SDK1: variants seen among roughly 807,000 people sequenced by gnomAD.
The protein encoded by SDK1 is sidekick cell adhesion molecule 1.
Under a neutral mutation model 245.5 loss-of-function variants are expected in SDK1, and 157 were observed. The observed-to-expected ratio is 0.64, with a 90% CI of 0.56 to 0.73. The LOEUF (loss-of-function observed/expected upper bound fraction) is 0.73, where lower values mean the gene tolerates loss of function less well. Ranked by LOEUF, SDK1 falls within the 30% of genes least tolerant of loss-of-function variation. The pLI, the probability that SDK1 is intolerant of heterozygous loss-of-function variation, is 0.00. For synonymous variants in SDK1, 1,647 were observed against 1,278.5 expected (o/e 1.29, Z -6.15); for missense variants, 3,583 against 3,002.3 (o/e 1.19, Z -4.52).
intron 1 of SDK1, among the ~76,000 whole-genome samples, chr7:3,308,908 C>T (rs139917994): frequency 0.014 from 2,147 of 152,158 alleles, 17 homozygotes; most frequent in Non-Finnish European, 0.021. Context: ...GAGATAACCA[C>T]GTAATGACTA....
At chr7:3,731,538 C>A (rs965044911) in intron 4 of SDK1, among the ~76,000 whole-genome samples, 2 of 152,148 alleles carry the variant, frequency 1.3e-5, no homozygotes, top group African/African-American at 4.8e-5. Flanking sequence ...TGTAGCAACA[C>A]GTTATGTCTT....
At chr7:4,227,500 T>C in intron 40 of SDK1, 3 of 464,276 alleles carry the variant, frequency 6.5e-6, no homozygotes, top group Non-Finnish European at 4.5e-6. Flanking sequence ...ATTTCTAACC[T>C]GGATTGGCCA....
chr7:3,417,335 G>A (rs893002822), intron 1 of SDK1, among the ~76,000 whole-genome samples: 3 of 152,262 alleles, frequency 2.0e-5, no homozygotes, highest in South Asian at 2.1e-4. Flanking sequence ...CCAGTTCCCC[G>A]ACTCTTCGTC....
At chr7:3,651,141 T>TG (rs1345693113) in intron 4 of SDK1, among the ~76,000 whole-genome samples, 1 of 151,776 alleles carries the variant, frequency 6.6e-6, no homozygotes, top group African/African-American at 2.4e-5. Context: ...TTTTTTTTTT[T>TG]TTTTTAAATG....
At chr7:4,264,685 A>ATCTC (rs1157431000) in intron 44 of SDK1, among the ~76,000 whole-genome samples, 386 of 144,850 alleles carry the variant, frequency 2.7e-3, no homozygotes, top group African/African-American at 9.7e-3. Flanking sequence ...GGCTGCGTAG[A>ATCTC]TCTCTCCTGA....
intron 1 of SDK1, among the ~76,000 whole-genome samples, chr7:3,476,993 A>C (rs1308573915): frequency 6.6e-6 from 1 of 152,210 alleles, no homozygotes; most frequent in Non-Finnish European, 1.5e-5. Flanking sequence ...AGAAGCTAGC[A>C]TGTGCAAGAA....
chr7:3,620,210 C>G (rs62437887), intron 2 of SDK1, among the ~76,000 whole-genome samples: 1,691 of 152,188 alleles, frequency 0.011, 11 homozygotes, highest in Middle Eastern at 0.031. Context: ...TGGAACCACA[C>G]TCAGCCTGCC....
intron 4 of SDK1, among the ~76,000 whole-genome samples, chr7:3,751,152 G>T (rs941961223): frequency 6.6e-6 from 1 of 152,198 alleles, no homozygotes; most frequent in African/African-American, 2.4e-5. Context: ...CAGCCTGAGG[G>T]CTCTTGCTCC....
chr7:3,868,187 G>A (rs904863194), intron 5 of SDK1, among the ~76,000 whole-genome samples: 3 of 152,176 alleles, frequency 2.0e-5, no homozygotes, highest in Non-Finnish European at 2.9e-5. Context: ...CAGGTAACCT[G>A]TCATCACCCA....
intron 5 of SDK1, among the ~76,000 whole-genome samples, chr7:3,852,074 T>G (rs545377879): frequency 2.4e-4 from 36 of 152,198 alleles, no homozygotes; most frequent in Non-Finnish European, 4.3e-4. Context: ...AGGTCTGCTT[T>G]GTGCAGAGCA....
At chr7:3,920,259 G>T (rs1013757819) in intron 5 of SDK1, among the ~76,000 whole-genome samples, 4 of 152,184 alleles carry the variant, frequency 2.6e-5, no homozygotes, top group African/African-American at 9.7e-5. Context: ...TAGCCTAGGG[G>T]TGTTTTAGGA....
intron 1 of SDK1, among the ~76,000 whole-genome samples, chr7:3,340,782 A>AT (rs1554259412): frequency 9.6e-4 from 143 of 149,292 alleles, no homozygotes; most frequent in African/African-American, 3.4e-3. Context: ...AAAAAAAAAA[A>AT]TCATCTATGA....
At chr7:3,622,877 C>T (rs1781986882) in intron 2 of SDK1, among the ~76,000 whole-genome samples, 2 of 151,978 alleles carry the variant, frequency 1.3e-5, no homozygotes, top group South Asian at 4.1e-4. Flanking sequence ...GATGGGTTAT[C>T]AGGAATCTAT....
Position 4,128,680 on chromosome 7 carries a change from G to A in SDK1, c.3939+1184G>A, listed in dbSNP as rs543908794. ...TTGGGGTGGGGTGCCCTGGAATAGA[G>A]CAGCTTGGGGTGGGGTGCCCTGGAA... is the stretch of plus-strand genomic sequence containing the variant. On this transcript the variant is annotated intron_variant, in intron 26 of 44. Transcript: ENST00000404826. Among the ~76,000 whole-genome samples, 20 of 142,718 alleles carry A rather than the reference G, an allele frequency of 1.4e-4. No homozygotes were observed. The South Asian group carries it at 4.7e-3, about 34-fold the overall frequency. 93.6% of individuals were successfully genotyped at this position (142,718 alleles called of 152,430 possible).
intron 4 of SDK1, among the ~76,000 whole-genome samples, chr7:3,743,403 C>T (rs1425172329): frequency 6.6e-6 from 1 of 152,112 alleles, no homozygotes; most frequent in African/African-American, 2.4e-5. Flanking sequence ...AACTCTCTTA[C>T]CTCTTTTCTC....
intron 4 of SDK1, among the ~76,000 whole-genome samples, chr7:3,690,901 T>G (rs1276344965): frequency 6.6e-6 from 1 of 152,190 alleles, no homozygotes; most frequent in African/African-American, 2.4e-5. Context: ...TAAAATACAC[T>G]CATATTATAG....
intron 28 of SDK1, among the ~76,000 whole-genome samples, chr7:4,144,823 T>G (rs1779843997): frequency 6.6e-6 from 1 of 152,164 alleles, no homozygotes; most frequent in Non-Finnish European, 1.5e-5. Context: ...GTTCCCCCCG[T>G]GCGTCCTCCC....
chr7:3,372,784 A>G (rs1160849152), intron 1 of SDK1, among the ~76,000 whole-genome samples: 2 of 152,204 alleles, frequency 1.3e-5, no homozygotes, highest in Non-Finnish European at 2.9e-5. Context: ...GAGAGCGTGC[A>G]TTGCAGGCTT....
At chr7:3,598,645 C>A (rs941941154) in intron 1 of SDK1, among the ~76,000 whole-genome samples, 2 of 152,190 alleles carry the variant, frequency 1.3e-5, no homozygotes, top group African/African-American at 4.8e-5. Context: ...CCCTGGCAAA[C>A]CCTAATCCCT....
Sources: gnomAD v4.1 joint callset for allele counts (sites outside exome capture counted in the v4.1 genomes callset) on GRCh38, gnomAD v4.1.1 for gene constraint, MANE v1.5 for transcripts, NCBI Gene and HGNC (gene_info 2026-07-23, HGNC 2026-07-21) for gene names.